Variants in CDC42EP3 observed in about 807,000 individuals in gnomAD.
The protein encoded by CDC42EP3 is CDC42 effector protein (Rho GTPase binding) 3.
In CDC42EP3, 4 loss-of-function variants were observed where a neutral mutation model predicts 15.5. The ratio of observed to expected loss-of-function variants is 0.26; its 90% CI spans 0.13 to 0.59. The LOEUF (loss-of-function observed/expected upper bound fraction) is 0.59. Among genes scored for constraint, CDC42EP3 ranks in the 20% least tolerant of loss-of-function variants. The probability of loss-of-function intolerance (pLI) is 0.89; values close to 1 mark genes in which losing one functional copy is unlikely to be tolerated. For missense variants in CDC42EP3, 309 were observed against 311.2 expected (o/e 0.99, Z 0.05); for synonymous variants, 145 against 130.3 (o/e 1.11, Z -0.77).
At chr2:37,667,944 T>TAA (rs1375386895) in intron 1 of CDC42EP3, among the ~76,000 whole-genome samples, 4 of 152,186 alleles carry the variant, frequency 2.6e-5, no homozygotes, top group African/African-American at 9.7e-5. Context: ...AAGAGCAATA[T>TAA]AATAGTCTGC....
chr2:37,656,431 G>C (rs946347348), intron 1 of CDC42EP3, among the ~76,000 whole-genome samples: 4 of 152,206 alleles, frequency 2.6e-5, no homozygotes, highest in Non-Finnish European at 4.4e-5. Context: ...ATGAGAGCCA[G>C]GTTGACTTGC....
chr2:37,650,107 T>G (rs1403243857), intron 1 of CDC42EP3, among the ~76,000 whole-genome samples: 1 of 152,224 alleles, frequency 6.6e-6, no homozygotes, highest in African/African-American at 2.4e-5. Flanking sequence ...TTGACGTTTG[T>G]GCTGCTGGGA....
chr2:37,656,464 C>A (rs1037969403), intron 1 of CDC42EP3, among the ~76,000 whole-genome samples: 1 of 152,176 alleles, frequency 6.6e-6, no homozygotes, highest in African/African-American at 2.4e-5. Context: ...AACCCTAGAG[C>A]AAGTCTACAG....
At chr2:37,649,445 C>CAAAAAAAA in intron 1 of CDC42EP3, among the ~76,000 whole-genome samples, 1 of 48,154 alleles carries the variant, frequency 2.1e-5, no homozygotes. Flanking sequence ...GGCCTTGTCT[C>CAAAAAAAA]AAAAAAAAAA....
At chr2:37,655,856 C>A (rs1488238283) in intron 1 of CDC42EP3, among the ~76,000 whole-genome samples, 1 of 152,248 alleles carries the variant, frequency 6.6e-6, no homozygotes, top group Non-Finnish European at 1.5e-5. Context: ...AAGGAACTTG[C>A]TCTCAGTTGC....
chr2:37,663,294 C>A (rs942817649), intron 1 of CDC42EP3, among the ~76,000 whole-genome samples: 17 of 152,244 alleles, frequency 1.1e-4, no homozygotes, highest in African/African-American at 4.1e-4. Context: ...AAGTGCCAGG[C>A]ACTATTCTAG....
In CDC42EP3 at chr2:37,646,263, G is replaced by A. The variant is rs766273890; in HGVS notation, c.325C>T (p.Leu109Phe). The A allele has an allele frequency of 6.2e-7, 1 of 1,614,194 alleles. No individual in the cohort carries two copies. Among genetic ancestry groups the A allele is most frequent in the Non-Finnish European group, 8.5e-7 (1 of 1,180,028 alleles). The change falls in exon 2 of 2, where the codon CTC becomes TTC. Residue 109 changes from leucine to phenylalanine, a missense_variant. Leu to Phe is a conservative substitution (Grantham distance 22, BLOSUM62 0). Transcript: ENST00000295324. ...GCTTGGGATCCTCCAATGGTCGGGAGGGAGATGGCATTTTTGAGCACCGGG... is the reference window on the plus strand; with the variant it reads ...GCTTGGGATCCTCCAATGGTCGGGAAGGAGATGGCATTTTTGAGCACCGGG... ...PSPVLKNAIS[L>F]PTIGGSQALM... is the part of the protein sequence containing the mutation.
chr2:37,665,127 T>TTATATA (rs10638447), intron 1 of CDC42EP3, among the ~76,000 whole-genome samples: 111 of 151,058 alleles, frequency 7.3e-4, no homozygotes, highest in African/African-American at 2.0e-3. Flanking sequence ...AAACTCCCCT[T>TTATATA]TATATATATA....
intron 1 of CDC42EP3, among the ~76,000 whole-genome samples, chr2:37,664,488 C>T (rs1014338242): frequency 6.6e-6 from 1 of 152,172 alleles, no homozygotes; most frequent in African/African-American, 2.4e-5. Context: ...AGTCAACACT[C>T]CTTAATAAAC....
At chr2:37,668,260 C>T (rs1468995111) in intron 1 of CDC42EP3, among the ~76,000 whole-genome samples, 1 of 152,158 alleles carries the variant, frequency 6.6e-6, no homozygotes, top group Non-Finnish European at 1.5e-5. Flanking sequence ...TGTACTATCT[C>T]TCTCAAAGAA....
chr2:37,647,888 AG>A lies in CDC42EP3; in HGVS notation c.-235-1067del, dbSNP rs1040841804. Among the ~76,000 whole-genome samples, 47 of 152,296 alleles carry A rather than the reference AG, an allele frequency of 3.1e-4. 1 individual carries two copies. The highest frequency in any genetic ancestry group is 1.1e-3 in the African/African-American group (46 of 41,558). ...CAACAATGTTGGGGAGCTTGGAAGT[AG>A]ATCTTTTCCCCAGTTGAGCCTCTGA... On this transcript the variant is annotated intron_variant, in intron 1 of 1. Coordinates refer to ENST00000295324, the MANE Select transcript of CDC42EP3 (RefSeq NM_006449.5).
chr2:37,670,477 GCTCA>G (rs2124642080), intron 1 of CDC42EP3, among the ~76,000 whole-genome samples: 1 of 146,214 alleles, frequency 6.8e-6, no homozygotes, highest in East Asian at 2.0e-4. Flanking sequence ...ATTTTAATTC[GCTCA>G]CTTTTTTTTT....
chr2:37,666,338 G>A (rs1415228709), intron 1 of CDC42EP3, among the ~76,000 whole-genome samples: 1 of 152,132 alleles, frequency 6.6e-6, no homozygotes, highest in Non-Finnish European at 1.5e-5. Flanking sequence ...CTGCAGAAAG[G>A]GACCTTCATC....
intron 1 of CDC42EP3, among the ~76,000 whole-genome samples, chr2:37,653,993 GCA>G (rs1461344384): frequency 6.6e-6 from 1 of 152,132 alleles, no homozygotes; most frequent in Non-Finnish European, 1.5e-5. Flanking sequence ...CTTTGCCTCA[GCA>G]CAGTCGCACT....
At chr2:37,649,153 CTA>C (rs1197294722) in intron 1 of CDC42EP3, among the ~76,000 whole-genome samples, 3 of 151,224 alleles carry the variant, frequency 2.0e-5, no homozygotes, top group Non-Finnish European at 4.4e-5. Context: ...GACCCTGTCT[CTA>C]TGAAAAAAAA....
At chr2:37,654,402 C>T (rs748463409) in intron 1 of CDC42EP3, among the ~76,000 whole-genome samples, 1 of 152,096 alleles carries the variant, frequency 6.6e-6, no homozygotes, top group Admixed American at 6.5e-5. Context: ...CTTAAGGGAT[C>T]TGAAGGATTC....
intron 1 of CDC42EP3, among the ~76,000 whole-genome samples, chr2:37,648,617 C>T (rs1039707665): frequency 5.3e-5 from 8 of 152,176 alleles, no homozygotes; most frequent in East Asian, 3.8e-4. Context: ...AGAGAAAGTA[C>T]GAGGAGGTTT....
chr2:37,669,710 A>C (rs1004436694), intron 1 of CDC42EP3, among the ~76,000 whole-genome samples: 7 of 152,204 alleles, frequency 4.6e-5, no homozygotes, highest in Non-Finnish European at 1.0e-4. Flanking sequence ...GGATCCAGAA[A>C]TGCTTCCAAA....
intron 1 of CDC42EP3, among the ~76,000 whole-genome samples, chr2:37,652,607 C>T (rs902410026): frequency 6.6e-6 from 1 of 152,122 alleles, no homozygotes; most frequent in African/African-American, 2.4e-5. Flanking sequence ...TGTGGTCACC[C>T]AGGCTGGAGT....
Sources: gnomAD v4.1 joint callset for allele counts (sites outside exome capture counted in the v4.1 genomes callset) on GRCh38, gnomAD v4.1.1 for gene constraint, MANE v1.5 for transcripts, NCBI Gene and HGNC (gene_info 2026-07-23, HGNC 2026-07-21) for gene names.